NPC1: variants seen among roughly 807,000 people sequenced by gnomAD.
NPC1 encodes Niemann-Pick C1 protein.
NPC1 carries 85 observed loss-of-function variants against 140.4 expected under a neutral mutation model. That is an observed-to-expected ratio of 0.61 (90% CI 0.51 to 0.72). The LOEUF (loss-of-function observed/expected upper bound fraction) is 0.72. Among genes scored for constraint, NPC1 ranks in the 30% least tolerant of loss-of-function variants. The pLI is 0.00. For missense variants in NPC1, 1,504 were observed against 1,623.8 expected (o/e 0.93, Z 1.27); for synonymous variants, 656 against 624.8 (o/e 1.05, Z -0.74).
chr18:23,569,090 A>C (rs1362141440), intron 3 of NPC1, 92 bp from the exon 4 acceptor site: 7 of 883,484 alleles, frequency 7.9e-6, no homozygotes, highest in Non-Finnish European at 1.3e-5. Flanking sequence ...TTTTAAACTT[A>C]CTGTAAAGTG....
intron 1 of NPC1, among the ~76,000 whole-genome samples, chr18:23,576,240 A>C (rs1192460233): frequency 1.3e-5 from 2 of 151,604 alleles, no homozygotes; most frequent in Non-Finnish European, 2.9e-5. Context: ...AAACAAAAAA[A>C]CAAAACAAAC....
intron 6 of NPC1, among the ~76,000 whole-genome samples, chr18:23,558,559 T>TTA (rs2058988704): frequency 6.6e-6 from 1 of 152,118 alleles, no homozygotes; most frequent in African/African-American, 2.4e-5. Context: ...CTGTCACAGA[T>TTA]TAGAGGGGAC....
At chr18:23,546,248 C>CAAAAAAAA (rs60021403) in intron 11 of NPC1, among the ~76,000 whole-genome samples, 9 of 45,578 alleles carry the variant, frequency 2.0e-4, no homozygotes, top group African/African-American at 7.0e-4. Context: ...GACTCTGTCT[C>CAAAAAAAA]AAAAAAAAAA....
chr18:23,567,023 T>TA (rs1468430680), intron 4 of NPC1, among the ~76,000 whole-genome samples: 1 of 152,202 alleles, frequency 6.6e-6, no homozygotes, highest in Non-Finnish European at 1.5e-5. Context: ...TTTCATGGCT[T>TA]TTTAGCACCA....
rs773555329 is a variant in NPC1, at chr18:23,535,710, A to G, written c.3246-10T>C. ...GAAGACATAAAACACACTGGAGGGG[A>G]GAGGGGAGGCCTCATTAAAGCTCGC... On this transcript the variant is annotated splice_polypyrimidine_tract_variant and intron_variant, in intron 21 of 24. Coordinates refer to ENST00000269228, the MANE Select transcript of NPC1 (RefSeq NM_000271.5). The G allele has an allele frequency of 1.3e-6, 2 of 1,582,588 alleles. No individual in the cohort carries two copies. The highest frequency in any genetic ancestry group is 2.2e-5 in the East Asian group (1 of 44,716).
exon 4 of NPC1, chr18:23,506,416 A>ATTCC (rs1391061108): frequency 6.6e-6 from 1 of 152,072 alleles, no homozygotes; most frequent in African/African-American, 2.4e-5. Context: ...GTATTGGAAT[A>ATTCC]GAGACGGGGT....
chr18:23,568,931 G>C lies in NPC1; in HGVS notation c.355C>G (p.Gln119Glu), dbSNP rs1294187402. 1.2e-6 allele frequency: 2 copies of C among 1,613,784 alleles called. No homozygotes were observed. The highest frequency in any genetic ancestry group is 1.7e-6 in the Non-Finnish European group (2 of 1,179,822). ...CELTCSPRQS[Q>E]FLNVTATEDY... ...TCAGTAGCTGTAACATTCAAAAACT[G>C]ACTCTGTCGAGGGCTACATGTCAGC... Residue 119 changes from glutamine to glutamate, a missense_variant, in exon 4 of 25, where the codon CAG becomes GAG. Physicochemically the swap from Gln to Glu is conservative, Grantham distance 29 (BLOSUM62 2). Coordinates refer to ENST00000269228, the MANE Select transcript of NPC1 (RefSeq NM_000271.5).
At chr18:23,552,342 G>A (rs2058885393) in intron 9 of NPC1, among the ~76,000 whole-genome samples, 1 of 152,192 alleles carries the variant, frequency 6.6e-6, no homozygotes, top group African/African-American at 2.4e-5. Flanking sequence ...CCTAGAGCAT[G>A]GGGTGCCCAC....
chr18:23,547,718 G>A (rs2058808915), intron 11 of NPC1, among the ~76,000 whole-genome samples: 1 of 152,044 alleles, frequency 6.6e-6, no homozygotes, highest in Non-Finnish European at 1.5e-5. Flanking sequence ...CCCCAGCCTG[G>A]GCAAAAGTGA....
chr18:23,544,575 T>TC (rs2058757981), intron 12 of NPC1, 49 bp from the exon 13 acceptor site: 6 of 1,558,052 alleles, frequency 3.9e-6, no homozygotes, highest in Non-Finnish European at 5.3e-6. Context: ...GGGTTGTCTG[T>TC]CCCACTTGTT....
rs1466532969 is a variant in NPC1, at chr18:23,541,293, G to A, written c.2373+13C>T. On this transcript the variant is annotated intron_variant, in intron 15 of 24. Coordinates refer to ENST00000269228, the MANE Select transcript of NPC1 (RefSeq NM_000271.5). ...CTCAAATTAAATAGACTATAATCCT[G>A]GCACCAACTTACCTCTTGACGTTTA... The A allele has an allele frequency of 2.5e-6, 4 of 1,614,172 alleles. No individual in the cohort carries two copies. Among genetic ancestry groups the A allele is most frequent in the Non-Finnish European group, 3.4e-6 (4 of 1,180,040 alleles).
downstream of NPC1, chr18:23,524,570 A>ATT: frequency 1.3e-5 from 18 of 1,386,302 alleles, no homozygotes; most frequent in Non-Finnish European, 1.8e-5. Flanking sequence ...TTCAAGGTGA[A>ATT]TCTCTTAGAA....
At chr18:23,548,868 G>A (rs1292263975) in intron 10 of NPC1, among the ~76,000 whole-genome samples, 1 of 152,060 alleles carries the variant, frequency 6.6e-6, no homozygotes, top group African/African-American at 2.4e-5. Context: ...GCGGCTTTTT[G>A]TGGCCTTGAC....
chr18:23,558,542 G>C (rs1420569558), intron 6 of NPC1, among the ~76,000 whole-genome samples: 1 of 152,140 alleles, frequency 6.6e-6, no homozygotes, highest in Non-Finnish European at 1.5e-5. Flanking sequence ...AAAGACTGAG[G>C]AACTTTCTGT....
chr18:23,558,522 C>T (rs1330913330), intron 6 of NPC1, among the ~76,000 whole-genome samples: 3 of 152,066 alleles, frequency 2.0e-5, no homozygotes, highest in African/African-American at 7.2e-5. Context: ...AGTGTTAAGG[C>T]CAGAAAAGGA....
chr18:23,507,949 C>G (rs1205612147), intron 3 of NPC1: 13 of 1,600,102 alleles, frequency 8.1e-6, no homozygotes, highest in Non-Finnish European at 9.4e-6. Context: ...GCTGCCTAAT[C>G]CAAATTTGTG....
intron 10 of NPC1, among the ~76,000 whole-genome samples, chr18:23,550,985 T>A (rs2058863793): frequency 6.6e-6 from 1 of 152,166 alleles, no homozygotes; most frequent in African/African-American, 2.4e-5. Context: ...TGCCACCAAG[T>A]GAGGAGAAGA....
intron 1 of NPC1, among the ~76,000 whole-genome samples, chr18:23,583,106 CAA>C (rs3083464): frequency 1.3e-4 from 14 of 109,962 alleles, no homozygotes; most frequent in African/African-American, 4.0e-4. Flanking sequence ...GACCCTGTTT[CAA>C]AAAAAAAAAA....
At chr18:23,518,751 T>C, downstream of NPC1, 1 of 676,210 alleles carries the variant, frequency 1.5e-6, no homozygotes, top group Non-Finnish European at 2.5e-6. Flanking sequence ...AGTAACTGCA[T>C]GTTTCTTTGT....
Sources: allele counts gnomAD v4.1 joint callset (sites outside exome capture counted in the v4.1 genomes callset), GRCh38; gene constraint gnomAD v4.1.1; transcripts MANE v1.5; gene names NCBI Gene and HGNC (gene_info 2026-07-23, HGNC 2026-07-21).